RBM17: variants seen among roughly 807,000 people sequenced by gnomAD.
RBM17 encodes the protein splicing factor 45.
Under a neutral mutation model 53.2 loss-of-function variants are expected in RBM17, and 7 were observed. That is an observed-to-expected ratio of 0.13 (90% CI 0.07 to 0.25). RBM17 has a LOEUF of 0.25. Among genes scored for constraint, RBM17 ranks in the 10% least tolerant of loss-of-function variants. RBM17 has a pLI of 1.00. For synonymous variants in RBM17, 167 were observed against 178.1 expected, an observed-to-expected ratio of 0.94 and a Z score of 0.50; for missense variants, 257 against 496.7, an observed-to-expected ratio of 0.52 and a Z score of 4.59.
Position 6,098,556 on chromosome 10 carries a change from GTTTTTTGT to G in RBM17, c.123+1375_123+1382del, listed in dbSNP as rs1194379054. Among the ~76,000 whole-genome samples, 137 of 87,960 alleles carry G rather than the reference GTTTTTTGT, an allele frequency of 1.6e-3. 12 individuals carry two copies. Among genetic ancestry groups the G allele is most frequent in the Middle Eastern group, 6.2e-3 (1 of 162 alleles). The allele number at this position is 87,960 out of a possible 152,430, so 57.7% of individuals were successfully genotyped here. A position where few individuals can be genotyped will look rare whatever the true frequency, so the allele number is the denominator to read the frequency against. ...GTTTGAAAATTTCCGTAATACACAG[GTTTTTTGT>G]TTTTTTTTTTTTTTTTTTTTTTTTT... On this transcript the variant is annotated intron_variant, in intron 2 of 11. Transcript: ENST00000379888.
chr10:6,110,213 C>A, intron 7 of RBM17, 86 bp downstream of exon 7: 1 of 1,279,248 alleles, frequency 7.8e-7, no homozygotes, highest in Non-Finnish European at 1.1e-6. Context: ...TTGTTTGAAA[C>A]TGAGGACATT....
At chr10:6,096,018 C>G (rs1840567832) in intron 1 of RBM17, among the ~76,000 whole-genome samples, 1 of 152,166 alleles carries the variant, frequency 6.6e-6, no homozygotes, top group Non-Finnish European at 1.5e-5. Flanking sequence ...TTTATGGGCC[C>G]CCTGGGAACT....
chr10:6,092,481 G>T (rs1187105075), intron 1 of RBM17, among the ~76,000 whole-genome samples: 1 of 152,224 alleles, frequency 6.6e-6, no homozygotes, highest in Non-Finnish European at 1.5e-5. Flanking sequence ...AAGGAGGAAA[G>T]CAAGGAAATA....
At chr10:6,106,050 G>C in intron 4 of RBM17, 91 bp from the exon 5 acceptor site, 1 of 822,998 alleles carries the variant, frequency 1.2e-6, no homozygotes, top group Non-Finnish European at 2.0e-6. Flanking sequence ...GACAGGATTT[G>C]GATATCTTCT....
chr10:6,096,111 CTCTT>C (rs1384357395), intron 1 of RBM17, among the ~76,000 whole-genome samples: 2 of 152,074 alleles, frequency 1.3e-5, no homozygotes, highest in Non-Finnish European at 1.5e-5. Flanking sequence ...AAATTAAGTT[CTCTT>C]TCTGTCTGTG....
chr10:6,090,353 A>G (rs1413235414), intron 1 of RBM17, among the ~76,000 whole-genome samples: 1 of 152,236 alleles, frequency 6.6e-6, no homozygotes, highest in East Asian at 1.9e-4. Context: ...GGCTGCAGAC[A>G]TTTTGATCGT....
Position 6,110,058 on chromosome 10 carries a change from C to G in RBM17, c.635C>G (p.Pro212Arg), listed in dbSNP as rs1219598528. 1.2e-5 allele frequency: 19 copies of G among 1,613,338 alleles called. No homozygotes were observed. Among genetic ancestry groups the G allele is most frequent in the African/African-American group, 2.7e-5 (2 of 74,886 alleles). Residue 212 changes from proline (P) to arginine (R), a missense_variant, in exon 7 of 12, where the codon CCA becomes CGA. Pro to Arg is a moderately radical substitution (Grantham distance 103). Coordinates refer to ENST00000379888, the MANE Select transcript of RBM17 (RefSeq NM_032905.5). ...SQSSKAAIPP[P>R]VYEEQDRPRS... ...TCTTCCAAAGCAGCCATTCCTCCCC[C>G]AGTGTACGAGGAACAAGACAGACCG... is the stretch of plus-strand genomic sequence containing the variant.
At chr10:6,098,556 G>GGTTTTTGTTTTTTTTTTTTT (rs1840613398) in intron 2 of RBM17, among the ~76,000 whole-genome samples, 2 of 87,976 alleles carry the variant, frequency 2.3e-5, no homozygotes, top group East Asian at 3.4e-4. Context: ...TAATACACAG[G>GGTTTTTGTTTTTTTTTTTTT]TTTTTTGTTT....
intron 2 of RBM17, among the ~76,000 whole-genome samples, chr10:6,098,699 C>T (rs1840621817): frequency 6.6e-6 from 1 of 150,922 alleles, no homozygotes; most frequent in East Asian, 2.0e-4. Flanking sequence ...TCTCAGCCTC[C>T]TGAGTAACTG....
At chr10:6,091,008 AATATTTATATATTTATAT>A (rs201072484) in intron 1 of RBM17, among the ~76,000 whole-genome samples, 5,519 of 72,456 alleles carry the variant, frequency 0.076, 197 homozygotes, top group East Asian at 0.25. Context: ...TAAATATATA[AATATTTATATATTTATAT>A]ATATTTATAT....
At chr10:6,095,962 C>G (rs1487960494) in intron 1 of RBM17, among the ~76,000 whole-genome samples, 1 of 152,156 alleles carries the variant, frequency 6.6e-6, no homozygotes, top group East Asian at 1.9e-4. Context: ...CCACAGAACA[C>G]AAGCAAATTA....
Position 6,110,055 on chromosome 10 carries a change from C to T in RBM17, c.632C>T (p.Pro211Leu). 1 of 1,613,048 alleles carries T rather than the reference C, an allele frequency of 6.2e-7. No individual in the cohort carries two copies. The highest frequency in any genetic ancestry group is 8.5e-7 in the Non-Finnish European group (1 of 1,179,214). ...RSQSSKAAIP[P>L]PVYEEQDRPR... ...CAGTCTTCCAAAGCAGCCATTCCTC[C>T]CCCAGTGTACGAGGAACAAGACAGA... Residue 211 changes from proline (P) to leucine (L), a missense_variant, in exon 7 of 12, where the codon CCC (proline) becomes CTC (leucine). Physicochemically the swap from Pro to Leu is moderately conservative, Grantham distance 98. This residue lies in a region of RBM17 where 68 missense variants were observed against 60.0 expected (regional missense o/e 1.13). Transcript: ENST00000379888.
rs184590844 is a variant in RBM17, at chr10:6,113,049, A to T, written c.857-459A>T. On this transcript the variant is annotated intron_variant, in intron 8 of 11. Coordinates refer to ENST00000379888, the MANE Select transcript of RBM17 (RefSeq NM_032905.5). ...CAGCCCCGTTCATGCACAGCTTAGG[A>T]TACATCACGAGCCTGACAGGTGAGT... 22 of 181,660 alleles carry T rather than the reference A, an allele frequency of 1.2e-4. No individual in the cohort carries two copies. The East Asian group carries it at 3.2e-3, about 27-fold the overall frequency. The allele number at this position is 181,660 out of a possible 1,614,324, so 11.3% of individuals were successfully genotyped here. A position where few individuals can be genotyped will look rare whatever the true frequency, so the allele number is the denominator to read the frequency against.
intron 3 of RBM17, among the ~76,000 whole-genome samples, chr10:6,103,051 GA>G (rs1336997177): frequency 6.6e-6 from 1 of 152,120 alleles, no homozygotes; most frequent in Admixed American, 6.5e-5. Context: ...CTTGGCCTCC[GA>G]AATTGCTGAG....
chr10:6,102,251 C>T (rs539013551), intron 3 of RBM17, among the ~76,000 whole-genome samples: 4 of 152,250 alleles, frequency 2.6e-5, no homozygotes, highest in East Asian at 1.9e-4. Context: ...TAGCAAGGCG[C>T]GCCTGTCCTC....
intron 1 of RBM17, among the ~76,000 whole-genome samples, chr10:6,093,681 T>G (rs1840523832): frequency 6.6e-6 from 1 of 152,218 alleles, no homozygotes; most frequent in African/African-American, 2.4e-5. Context: ...GGTAAAGTTC[T>G]CAAGTTATAA....
intron 2 of RBM17, among the ~76,000 whole-genome samples, chr10:6,099,700 G>A (rs1840641989): frequency 6.6e-6 from 1 of 152,124 alleles, no homozygotes; most frequent in South Asian, 2.1e-4. Context: ...CCTGGGGTTA[G>A]ATGTGGAACC....
intron 1 of RBM17, chr10:6,096,832 A>T: frequency 3.2e-6 from 1 of 307,790 alleles, no homozygotes. Flanking sequence ...GATCTTATAG[A>T]TGGAAAAATG....
At position 6,093,706 on chromosome 10, in the gene RBM17, A is replaced by C. The variant is rs370908087; in HGVS notation, c.-18-3342A>C. 4.3e-4 allele frequency among the ~76,000 whole-genome samples: 66 copies of C among 152,354 alleles called. 1 individual carries two copies. In the East Asian group the frequency reaches 7.9e-3, roughly 18 times the overall value. ...TCAAGTTATAAAGAGAAATGGGTTGAGTATCCCTTACCCAAAATGCTTGGG... is the reference window on the plus strand; with the variant it reads ...TCAAGTTATAAAGAGAAATGGGTTGCGTATCCCTTACCCAAAATGCTTGGG... On this transcript the variant is annotated intron_variant, in intron 1 of 11. Coordinates refer to ENST00000379888, the MANE Select transcript of RBM17 (RefSeq NM_032905.5).
Sources: gnomAD v4.1 joint callset for allele counts (sites outside exome capture counted in the v4.1 genomes callset) on GRCh38, gnomAD v4.1.1 for gene constraint, gnomAD v4.1.1 regional missense constraint, MANE v1.5 for transcripts, NCBI Gene and HGNC (gene_info 2026-07-23, HGNC 2026-07-21) for gene names.